FHIT: variants seen among roughly 807,000 people sequenced by gnomAD.
The protein encoded by FHIT is fragile histidine triad diadenosine triphosphatase, also known as bis(5'-adenosyl)-triphosphatase.
FHIT carries 19 observed loss-of-function variants against 17.9 expected under a neutral mutation model. The observed-to-expected ratio is 1.06, with a 90% CI of 0.74 to 1.56. The LOEUF (loss-of-function observed/expected upper bound fraction) is 1.56. Ranked by LOEUF, FHIT falls within the 40% of genes most tolerant of loss-of-function variation. The pLI is 0.00. For missense variants in FHIT, 248 were observed against 189.2 expected, an observed-to-expected ratio of 1.31 and a Z score of -1.82; for synonymous variants, 81 against 69.7, an observed-to-expected ratio of 1.16 and a Z score of -0.81.
intron 3 of FHIT, among the ~76,000 whole-genome samples, chr3:60,925,424 G>T (rs995835925): frequency 6.6e-6 from 1 of 152,164 alleles, no homozygotes; most frequent in African/African-American, 2.4e-5. Context: ...TTAAAGAAAA[G>T]AATTTTCAAC....
chr3:61,135,533 T>C (rs997255219), intron 2 of FHIT, among the ~76,000 whole-genome samples: 1 of 152,138 alleles, frequency 6.6e-6, no homozygotes, highest in Non-Finnish European at 1.5e-5. Flanking sequence ...TAACAACCTA[T>C]TTCATTTTAA....
At chr3:61,018,635 T>C (rs544817518) in intron 3 of FHIT, among the ~76,000 whole-genome samples, 3 of 152,320 alleles carry the variant, frequency 2.0e-5, no homozygotes, top group African/African-American at 7.2e-5. Flanking sequence ...GAAAGATTTC[T>C]AAGGCTACTG....
chr3:60,486,932 C>A (rs937660255), intron 5 of FHIT, among the ~76,000 whole-genome samples: 2 of 152,090 alleles, frequency 1.3e-5, no homozygotes, highest in African/African-American at 4.8e-5. Context: ...AATTTTTCAA[C>A]AACTTTGGGA....
chr3:60,502,542 A>G (rs2034564808), intron 5 of FHIT, among the ~76,000 whole-genome samples: 1 of 152,214 alleles, frequency 6.6e-6, no homozygotes, highest in African/African-American at 2.4e-5. Flanking sequence ...GTTCTAGAGG[A>G]CAGAGTGTCA....
chr3:60,559,935 CT>C (rs1356908105), intron 4 of FHIT, among the ~76,000 whole-genome samples: 1 of 152,114 alleles, frequency 6.6e-6, no homozygotes, highest in Non-Finnish European at 1.5e-5. Context: ...CTTTTCTTTA[CT>C]TTTCCTGGCA....
chr3:60,944,140 G>C (rs193081713), intron 3 of FHIT, among the ~76,000 whole-genome samples: 3 of 152,180 alleles, frequency 2.0e-5, no homozygotes, highest in African/African-American at 7.2e-5. Context: ...CATAGTATAA[G>C]TTAAGAAATT....
At chr3:60,175,201 C>A (rs886518293) in intron 5 of FHIT, among the ~76,000 whole-genome samples, 1 of 152,168 alleles carries the variant, frequency 6.6e-6, no homozygotes, top group African/African-American at 2.4e-5. Context: ...TAAAATGAAG[C>A]TTTAGAATCT....
intron 3 of FHIT, among the ~76,000 whole-genome samples, chr3:61,036,901 G>GT (rs746649804): frequency 0.12 from 8,561 of 70,154 alleles, 501 homozygotes; most frequent in Non-Finnish European, 0.14. Context: ...AGTCTGCTTT[G>GT]TTTTTTTTTT....
At chr3:59,811,935 G>A (rs918888708) in intron 8 of FHIT, among the ~76,000 whole-genome samples, 1 of 152,178 alleles carries the variant, frequency 6.6e-6, no homozygotes, top group African/African-American at 2.4e-5. Flanking sequence ...AGCTGAATAG[G>A]AAGCCTTGTG....
chr3:59,799,372 GA>G (rs373236910), intron 8 of FHIT, among the ~76,000 whole-genome samples: 4 of 151,838 alleles, frequency 2.6e-5, no homozygotes, highest in Admixed American at 2.0e-4. Context: ...GCGCAACAGA[GA>G]AAAAAATACC....
At chr3:60,281,909 T>G (rs1405761939) in intron 5 of FHIT, among the ~76,000 whole-genome samples, 1 of 152,150 alleles carries the variant, frequency 6.6e-6, no homozygotes, top group Non-Finnish European at 1.5e-5. Context: ...TGGTAGAAAA[T>G]ATTAACATCA....
chr3:60,107,150 CTTTTTT>C (rs540311961), intron 5 of FHIT, among the ~76,000 whole-genome samples: 7 of 95,158 alleles, frequency 7.4e-5, no homozygotes, highest in African/African-American at 2.9e-4. Flanking sequence ...AGCTTTAATT[CTTTTTT>C]TTTTTTTTTT....
chr3:61,038,349 A>G (rs1248177331), intron 3 of FHIT, among the ~76,000 whole-genome samples: 1 of 152,240 alleles, frequency 6.6e-6, no homozygotes, highest in African/African-American at 2.4e-5. Flanking sequence ...ATTAAAGAAG[A>G]GCATATGAAA....
intron 4 of FHIT, among the ~76,000 whole-genome samples, chr3:60,654,186 T>C (rs999082663): frequency 1.3e-5 from 2 of 152,212 alleles, no homozygotes; most frequent in South Asian, 4.1e-4. Context: ...GTGCTTCCTG[T>C]AAAGCCTGCA....
intron 5 of FHIT, among the ~76,000 whole-genome samples, chr3:60,253,415 A>G (rs924238640): frequency 1.3e-5 from 2 of 152,234 alleles, no homozygotes; most frequent in African/African-American, 4.8e-5. Flanking sequence ...GATATCACTC[A>G]TTGTATTCAG....
intron 4 of FHIT, among the ~76,000 whole-genome samples, chr3:60,810,960 A>G (rs1404509333): frequency 6.6e-6 from 1 of 152,194 alleles, no homozygotes; most frequent in Non-Finnish European, 1.5e-5. Context: ...CCTTGGTGAC[A>G]GAGAGATAGG....
intron 2 of FHIT, among the ~76,000 whole-genome samples, chr3:61,095,663 T>A (rs2035616011): frequency 1.3e-5 from 2 of 151,966 alleles, no homozygotes; most frequent in African/African-American, 4.8e-5. Context: ...AAAAAAAAAA[T>A]TCATCTTTCC....
chr3:60,334,617 C>T (rs1710146339), intron 5 of FHIT, among the ~76,000 whole-genome samples: 1 of 152,170 alleles, frequency 6.6e-6, no homozygotes, highest in Non-Finnish European at 1.5e-5. Context: ...GAAATGCCAT[C>T]TCTAACAAAA....
chr3:59,986,934 A>G (rs1222590940), intron 7 of FHIT, among the ~76,000 whole-genome samples: 1 of 123,034 alleles, frequency 8.1e-6, no homozygotes, highest in Non-Finnish European at 1.6e-5. Context: ...ACGTATGTAT[A>G]GGATTTATAT....
Sources: allele counts gnomAD v4.1 joint callset (sites outside exome capture counted in the v4.1 genomes callset), GRCh38; gene constraint gnomAD v4.1.1; transcripts MANE v1.5; gene names NCBI Gene and HGNC (gene_info 2026-07-23, HGNC 2026-07-21).